The following SGCZ variants were observed in gnomAD, a reference collection of about 807,000 sequenced individuals.
The protein encoded by SGCZ is zeta-sarcoglycan.
SGCZ carries 40 observed loss-of-function variants against 41.3 expected under a neutral mutation model. The observed-to-expected ratio is 0.97, with a 90% CI of 0.75 to 1.26. The LOEUF is 1.26. SGCZ is among the 50% of genes most tolerant of loss of function. The pLI, the probability that SGCZ is intolerant of heterozygous loss-of-function variation, is 0.00. For missense variants in SGCZ, 552 were observed against 369.8 expected (o/e 1.49, Z -4.04); for synonymous variants, 206 against 137.5 (o/e 1.50, Z -3.49).
At chr8:14,228,000 T>A (rs1027224500) in intron 4 of SGCZ, among the ~76,000 whole-genome samples, 1 of 151,344 alleles carries the variant, frequency 6.6e-6, no homozygotes, top group Non-Finnish European at 1.5e-5. Flanking sequence ...TGGGCTTGGG[T>A]GCCACCTCAT....
At chr8:14,568,625 G>A (rs1804456671) in intron 1 of SGCZ, among the ~76,000 whole-genome samples, 1 of 152,044 alleles carries the variant, frequency 6.6e-6, no homozygotes, top group African/African-American at 2.4e-5. Flanking sequence ...CACAGAGCTA[G>A]GCACTCTGTA....
At chr8:14,999,709 C>A (rs1396722661) in intron 1 of SGCZ, among the ~76,000 whole-genome samples, 1 of 152,168 alleles carries the variant, frequency 6.6e-6, no homozygotes, top group East Asian at 1.9e-4. Context: ...CATAGCCTAA[C>A]AATCTTCAGT....
intron 4 of SGCZ, among the ~76,000 whole-genome samples, chr8:14,206,448 T>C (rs924631689): frequency 6.6e-6 from 1 of 152,150 alleles, no homozygotes; most frequent in African/African-American, 2.4e-5. Flanking sequence ...ACTTCAAACA[T>C]TAAATAAATC....
Position 14,272,655 on chromosome 8 carries a change from T to C in SGCZ, c.337-34976A>G, listed in dbSNP as rs1030013678. Among the ~76,000 whole-genome samples, 4 of 152,332 alleles carry C rather than the reference T, an allele frequency of 2.6e-5. No individual in the cohort carries two copies. In the East Asian group the frequency reaches 7.7e-4, roughly 29 times the overall value. On this transcript the variant is annotated intron_variant, in intron 3 of 7. Coordinates refer to ENST00000382080, the MANE Select transcript of SGCZ (RefSeq NM_139167.4). ...CTTAAACGTGTCCTGGTGTGTAGAA[T>C]AAATTATGTTCATCATAATTTTAAG...
chr8:14,771,590 A>G (rs1016180714), intron 1 of SGCZ, among the ~76,000 whole-genome samples: 6 of 152,110 alleles, frequency 3.9e-5, no homozygotes, highest in African/African-American at 1.4e-4. Context: ...TGGTATATAT[A>G]TTTAAAATAA....
intron 1 of SGCZ, among the ~76,000 whole-genome samples, chr8:14,766,402 G>C (rs1800036021): frequency 6.6e-6 from 1 of 152,136 alleles, no homozygotes; most frequent in African/African-American, 2.4e-5. Flanking sequence ...TTACTTATTG[G>C]ATCTTGTTCT....
intron 1 of SGCZ, among the ~76,000 whole-genome samples, chr8:14,825,137 T>C (rs1802256622): frequency 1.3e-5 from 2 of 152,312 alleles, no homozygotes; most frequent in Middle Eastern, 3.4e-3. Context: ...TTCCTCTCTC[T>C]TAAATTGATA....
At chr8:14,330,542 T>C (rs1585372011) in intron 2 of SGCZ, among the ~76,000 whole-genome samples, 1 of 152,154 alleles carries the variant, frequency 6.6e-6, no homozygotes, top group East Asian at 1.9e-4. Context: ...CATTCAAACC[T>C]ACGATTTAAG....
intron 1 of SGCZ, among the ~76,000 whole-genome samples, chr8:15,087,354 T>C (rs1585549490): frequency 6.6e-6 from 1 of 152,120 alleles, no homozygotes; most frequent in Non-Finnish European, 1.5e-5. Flanking sequence ...TCAGCACAGT[T>C]CCATGTGCAT....
chr8:14,483,302 G>GGA (rs1393987483), intron 2 of SGCZ, among the ~76,000 whole-genome samples: 3 of 152,192 alleles, frequency 2.0e-5, no homozygotes, highest in Non-Finnish European at 4.4e-5. Context: ...TGGTGCAATG[G>GGA]TTCATACTTG....
chr8:14,093,021 C>A (rs550960668), intron 7 of SGCZ, among the ~76,000 whole-genome samples: 85 of 152,058 alleles, frequency 5.6e-4, no homozygotes, highest in African/African-American at 2.0e-3. Context: ...TCGTATGGCT[C>A]TGACATGCAT....
At chr8:14,520,456 C>G (rs1040324454) in intron 2 of SGCZ, among the ~76,000 whole-genome samples, 2 of 152,064 alleles carry the variant, frequency 1.3e-5, no homozygotes, top group Admixed American at 6.6e-5. Context: ...GAAACCAATG[C>G]TTTAGCATAT....
chr8:14,137,431 A>C (rs1382793050), intron 5 of SGCZ, among the ~76,000 whole-genome samples: 2 of 151,206 alleles, frequency 1.3e-5, no homozygotes, highest in Non-Finnish European at 2.9e-5. Flanking sequence ...AAAAACCTTG[A>C]AAAAATGTTA....
At chr8:15,002,451 G>A (rs1802460724) in intron 1 of SGCZ, among the ~76,000 whole-genome samples, 1 of 152,100 alleles carries the variant, frequency 6.6e-6, no homozygotes, top group African/African-American at 2.4e-5. Flanking sequence ...TAAAGGAGAA[G>A]AGCTGTCAGA....
chr8:15,132,211 G>C (rs1807934572), intron 1 of SGCZ, among the ~76,000 whole-genome samples: 1 of 152,112 alleles, frequency 6.6e-6, no homozygotes, highest in South Asian at 2.1e-4. Flanking sequence ...GAGTTAAAGA[G>C]ATTTAAAAGT....
chr8:14,779,296 CAGT>C (rs1328514110), intron 1 of SGCZ, among the ~76,000 whole-genome samples: 2 of 152,308 alleles, frequency 1.3e-5, no homozygotes, highest in African/African-American at 4.8e-5. Flanking sequence ...TGCGGCAAAT[CAGT>C]TGCCATGTTA....
At chr8:15,057,937 T>C (rs1312068848) in intron 1 of SGCZ, among the ~76,000 whole-genome samples, 2 of 152,242 alleles carry the variant, frequency 1.3e-5, no homozygotes, top group Non-Finnish European at 2.9e-5. Context: ...GTGGTGAAGA[T>C]ACTCTTGCCA....
At chr8:15,213,055 T>A (rs1331296700) in intron 1 of SGCZ, among the ~76,000 whole-genome samples, 1 of 152,016 alleles carries the variant, frequency 6.6e-6, no homozygotes, top group Non-Finnish European at 1.5e-5. Context: ...AAGCATTTAA[T>A]ACCATATTTT....
chr8:14,141,611 A>G (rs1031058287), intron 5 of SGCZ, among the ~76,000 whole-genome samples: 2 of 152,162 alleles, frequency 1.3e-5, no homozygotes, highest in Admixed American at 6.5e-5. Flanking sequence ...AAAAACCACA[A>G]TGAGATACCA....
Sources: allele counts gnomAD v4.1 joint callset (sites outside exome capture counted in the v4.1 genomes callset), GRCh38; gene constraint gnomAD v4.1.1; transcripts MANE v1.5; gene names NCBI Gene and HGNC (gene_info 2026-07-23, HGNC 2026-07-21).